The following IL1RAPL1 variants were observed in gnomAD, a reference collection of about 807,000 sequenced individuals.
IL1RAPL1 encodes the protein interleukin-1 receptor accessory protein-like 1.
In IL1RAPL1, 3 loss-of-function variants were observed where a neutral mutation model predicts 48.4. That is an observed-to-expected ratio of 0.06 (90% CI 0.03 to 0.16). The LOEUF (loss-of-function observed/expected upper bound fraction) is 0.16, where lower values mean the gene tolerates loss of function less well. Ranked by LOEUF, IL1RAPL1 falls within the 10% of genes least tolerant of loss-of-function variation. The probability of loss-of-function intolerance (pLI) is 1.00; values close to 1 mark genes in which losing one functional copy is unlikely to be tolerated. For missense variants in IL1RAPL1, 349 were observed against 530.6 expected (o/e 0.66, Z 3.36); for synonymous variants, 185 against 187.7 (o/e 0.99, Z 0.12).
At chrX:29,368,590 C>CTTTTTTTT (rs894805840) in intron 3 of IL1RAPL1, among the ~76,000 whole-genome samples, 4 of 87,672 alleles carry the variant, frequency 4.6e-5, no homozygotes, top group Non-Finnish European at 6.7e-5. Flanking sequence ...CTTTTTCTTT[C>CTTTTTTTT]TTTTTTTTTT....
At chrX:29,777,989 A>T (rs867423245) in intron 6 of IL1RAPL1, among the ~76,000 whole-genome samples, 1 of 106,524 alleles carries the variant, frequency 9.4e-6, no homozygotes, top group African/African-American at 3.7e-5. Context: ...AAATAATAGT[A>T]TTCATTTATA....
chrX:29,603,556 A>G (rs1268988178), intron 5 of IL1RAPL1, among the ~76,000 whole-genome samples: 2 of 111,569 alleles, frequency 1.8e-5, no homozygotes, highest in African/African-American at 6.5e-5. Flanking sequence ...CTCGCAGCCC[A>G]ATCAGTTTTT....
At chrX:29,398,791 T>G (rs2294533) in intron 4 of IL1RAPL1, among the ~76,000 whole-genome samples, 1 of 111,932 alleles carries the variant, frequency 8.9e-6, no homozygotes, top group Non-Finnish European at 1.9e-5. Flanking sequence ...AATATCTGTT[T>G]CCAAAATGAT....
intron 1 of IL1RAPL1, among the ~76,000 whole-genome samples, chrX:28,640,638 A>G (rs754523810): frequency 1.6e-4 from 18 of 109,601 alleles, no homozygotes; most frequent in Non-Finnish European, 5.7e-5. Context: ...GGCATGAGCC[A>G]CCCCGTCCAG....
At chrX:29,073,265 C>T (rs1927603243) in intron 2 of IL1RAPL1, among the ~76,000 whole-genome samples, 1 of 111,597 alleles carries the variant, frequency 9.0e-6, no homozygotes, top group South Asian at 3.7e-4. Context: ...TAAACTTTTT[C>T]TTTGTGGTAT....
intron 2 of IL1RAPL1, among the ~76,000 whole-genome samples, chrX:29,252,128 G>T (rs1165222590): frequency 2.7e-5 from 3 of 110,165 alleles, no homozygotes; most frequent in Non-Finnish European, 1.9e-5. Context: ...GGTAAGGGGA[G>T]GGGGGAGGGA....
At chrX:29,713,039 A>C (rs745923895) in intron 6 of IL1RAPL1, among the ~76,000 whole-genome samples, 1 of 112,035 alleles carries the variant, frequency 8.9e-6, no homozygotes, top group Non-Finnish European at 1.9e-5. Context: ...TCTCATTTGT[A>C]ATTAGTAGAG....
intron 6 of IL1RAPL1, among the ~76,000 whole-genome samples, chrX:29,855,849 A>G (rs944485022): frequency 9.0e-6 from 1 of 110,978 alleles, no homozygotes; most frequent in Non-Finnish European, 1.9e-5. Context: ...TGTCTGTCTC[A>G]TGTTAACTGC....
intron 5 of IL1RAPL1, among the ~76,000 whole-genome samples, chrX:29,551,216 A>C (rs1259112820): frequency 8.9e-6 from 1 of 112,098 alleles, no homozygotes; most frequent in Admixed American, 9.5e-5. Flanking sequence ...TTCATCCATA[A>C]ATGAGCCCTT....
chrX:28,743,735 CTTATTTAT>C (rs10659899), intron 1 of IL1RAPL1, among the ~76,000 whole-genome samples: 7 of 107,096 alleles, frequency 6.5e-5, no homozygotes, highest in Admixed American at 2.1e-4. Flanking sequence ...CATTCGTTTG[CTTATTTAT>C]TTATTTATTT....
intron 1 of IL1RAPL1, among the ~76,000 whole-genome samples, chrX:28,612,368 G>A: frequency 8.9e-6 from 1 of 112,246 alleles, no homozygotes. Context: ...GGCCCATAGA[G>A]GCCCTAGAAG....
chrX:29,209,860 AGAGCACCAAG>A (rs1263850639), intron 2 of IL1RAPL1, among the ~76,000 whole-genome samples: 8 of 112,338 alleles, frequency 7.1e-5, no homozygotes, highest in Non-Finnish European at 1.9e-5. Context: ...TACCACCAGT[AGAGCACCAAG>A]GCTCCTATGT....
intron 2 of IL1RAPL1, among the ~76,000 whole-genome samples, chrX:28,851,334 G>T (rs991668970): frequency 9.0e-6 from 1 of 110,597 alleles, no homozygotes; most frequent in Non-Finnish European, 1.9e-5. Context: ...TAGAAATTTT[G>T]CTTGTGGATA....
At chrX:29,437,022 A>G (rs779082334) in intron 5 of IL1RAPL1, among the ~76,000 whole-genome samples, 1 of 110,858 alleles carries the variant, frequency 9.0e-6, no homozygotes, top group Admixed American at 9.6e-5. Context: ...ATTTTAATAC[A>G]TGTATAAATA....
chrX:28,727,792 T>C (rs1935697209), intron 1 of IL1RAPL1, among the ~76,000 whole-genome samples: 1 of 111,212 alleles, frequency 9.0e-6, no homozygotes, highest in Admixed American at 9.7e-5. Flanking sequence ...ATTGAGATAA[T>C]CATCATTCTC....
At chrX:29,426,188 A>G (rs1185448175) in intron 5 of IL1RAPL1, among the ~76,000 whole-genome samples, 3 of 111,737 alleles carry the variant, frequency 2.7e-5, no homozygotes, top group African/African-American at 6.5e-5. Flanking sequence ...TCTATAAATC[A>G]TATTTTGGGA....
intron 5 of IL1RAPL1, among the ~76,000 whole-genome samples, chrX:29,413,512 A>AG (rs1934174040): frequency 2.1e-5 from 1 of 47,322 alleles, no homozygotes; most frequent in Non-Finnish European, 3.8e-5. Context: ...CCCTACCCCC[A>AG]CCCCACAACA....
intron 5 of IL1RAPL1, among the ~76,000 whole-genome samples, chrX:29,624,415 C>A (rs1330560703): frequency 8.9e-6 from 1 of 112,438 alleles, no homozygotes; most frequent in Non-Finnish European, 1.9e-5. Context: ...AACTACGTGG[C>A]TTTTTAATAA....
chrX:29,856,824 A>T (rs1468824716), intron 6 of IL1RAPL1, among the ~76,000 whole-genome samples: 1 of 112,098 alleles, frequency 8.9e-6, no homozygotes, highest in African/African-American at 3.2e-5. Context: ...ATATAAAGTA[A>T]TATATATGCA....
Sources: gnomAD v4.1 joint callset for allele counts (sites outside exome capture counted in the v4.1 genomes callset) on GRCh38, gnomAD v4.1.1 for gene constraint, MANE v1.5 for transcripts, NCBI Gene and HGNC (gene_info 2026-07-23, HGNC 2026-07-21) for gene names.